The following RPS19 variants were observed in gnomAD, a reference collection of about 807,000 sequenced individuals.
RPS19 encodes small ribosomal subunit protein eS19.
In RPS19, 1 loss-of-function variant was observed where a neutral mutation model predicts 20.3. The ratio of observed to expected loss-of-function variants is 0.05; its 90% CI spans 0.02 to 0.23. The LOEUF is 0.23. Among genes scored for constraint, RPS19 ranks in the 10% least tolerant of loss-of-function variants. The probability of loss-of-function intolerance (pLI) is 1.00; values close to 1 mark genes in which losing one functional copy is unlikely to be tolerated. For missense variants in RPS19, 111 were observed against 192.7 expected, an observed-to-expected ratio of 0.58 and a Z score of 2.51; for synonymous variants, 87 against 74.8, an observed-to-expected ratio of 1.16 and a Z score of -0.84.
intron 1 of RPS19, 78 bp from the exon 2 acceptor site, chr19:41,860,697 A>C: frequency 1.9e-6 from 2 of 1,065,962 alleles, no homozygotes; most frequent in South Asian, 2.5e-5. Context: ...GCTGGAGCGA[A>C]AGGATTGGGG....
intron 5 of RPS19, among the ~76,000 whole-genome samples, chr19:41,870,972 C>T (rs952277231): frequency 6.9e-6 from 1 of 144,754 alleles, no homozygotes; most frequent in African/African-American, 2.5e-5. Flanking sequence ...AAGCAATTCT[C>T]CTATCTCAGC....
chr19:41,860,627 C>A, intron 1 of RPS19, 148 bp from the exon 2 acceptor site: 2 of 768,532 alleles, frequency 2.6e-6, no homozygotes, highest in Non-Finnish European at 4.7e-6. Context: ...CCCGCAGGAG[C>A]CGGAGCCCGG....
At chr19:41,862,898 C>A (rs962444575) in intron 3 of RPS19, among the ~76,000 whole-genome samples, 2 of 152,136 alleles carry the variant, frequency 1.3e-5, no homozygotes, top group Non-Finnish European at 2.9e-5. Flanking sequence ...TGTGGTAGAC[C>A]AGAGGCCTGT....
rs185124242 is a variant in RPS19 at position 41,862,217 on chromosome 19, T to C, written c.172+1005T>C. Among the ~76,000 whole-genome samples the C allele has an allele frequency of 7.9e-4, 120 of 152,302 alleles. 1 individual carries two copies. Among genetic ancestry groups the C allele is most frequent in the Admixed American group, 7.8e-3 (119 of 15,282 alleles). ...GTACAGGTTGCTTGGCCCTTCAGAA[T>C]ATGAAGCATTTTGTAGATTTGTGGT... On this transcript the variant is annotated intron_variant, in intron 3 of 5. Transcript: ENST00000598742.
chr19:41,863,926 T>TC (rs1206801753), intron 3 of RPS19: 1 of 146,032 alleles, frequency 6.8e-6, no homozygotes, highest in African/African-American at 2.6e-5. Context: ...AACTGCAACC[T>TC]CTGCCTGCCG....
At chr19:41,871,211 CAGTG>C in intron 5 of RPS19, 136 bp from the exon 6 acceptor site, 1 of 786,832 alleles carries the variant, frequency 1.3e-6, no homozygotes, top group Non-Finnish European at 2.3e-6. Context: ...GGAATACCCA[CAGTG>C]AGAATTAGAT....
Position 41,872,272 on chromosome 19 carries a change from C to T in RPS19, c.*895C>T, listed in dbSNP as rs934776184. The T allele has an allele frequency of 6.6e-5, 10 of 152,282 alleles. No homozygotes were observed. Among genetic ancestry groups the T allele is most frequent in the Non-Finnish European group, 1.5e-4 (10 of 68,062 alleles). 9.4% of individuals were successfully genotyped at this position (152,282 alleles called of 1,614,324 possible). On this transcript the variant is annotated 3_prime_UTR_variant, in exon 6 of 6. Coordinates refer to ENST00000598742, the MANE Select transcript of RPS19 (RefSeq NM_001022.4). ...CAAGCCAGGAAAGAAACTTAGGGCC[C>T]GCTGTGACCAGATGTCCCTCCCAGT...
intron 4 of RPS19, 35 bp downstream of exon 4, chr19:41,869,249 A>G (rs2074120878): frequency 6.3e-7 from 1 of 1,575,334 alleles, no homozygotes; most frequent in African/African-American, 1.4e-5. Context: ...TTGATGGAGT[A>G]GCCTTGAGGC....
At chr19:41,867,777 C>T (rs1232231468) in intron 3 of RPS19, among the ~76,000 whole-genome samples, 1 of 152,184 alleles carries the variant, frequency 6.6e-6, no homozygotes, top group African/African-American at 2.4e-5. Flanking sequence ...AGCACCCCAG[C>T]CTGGGTGACA....
chr19:41,866,347 A>G (rs1465788929), intron 3 of RPS19, among the ~76,000 whole-genome samples: 2 of 152,240 alleles, frequency 1.3e-5, no homozygotes, highest in Admixed American at 1.3e-4. Flanking sequence ...CTCCACCCAG[A>G]GCCCCAGGGC....
At position 41,871,713 on chromosome 19, in the gene RPS19, A is replaced by G. The variant is rs1568797832; in HGVS notation, c.*336A>G. 2.9e-6 allele frequency: 1 copy of G among 348,998 alleles called. No homozygotes were observed. The highest frequency in any genetic ancestry group is 6.7e-5 in the East Asian group (1 of 15,004). 21.6% of individuals were successfully genotyped at this position (348,998 alleles called of 1,614,324 possible). The stretch of plus-strand genomic sequence containing the variant: ...CCAGTCGGGCCTTCCCAGGTCAAAC[A>G]GTTCCCATCTGGGTTTGGAGGAAGG... On this transcript the variant is annotated 3_prime_UTR_variant, in exon 6 of 6. Transcript: ENST00000598742.
chr19:41,870,448 A>G (rs1481939146), intron 5 of RPS19, among the ~76,000 whole-genome samples: 1 of 152,106 alleles, frequency 6.6e-6, no homozygotes, highest in African/African-American at 2.4e-5. Flanking sequence ...CCAGGTCTCC[A>G]TTCAGATCCT....
intron 3 of RPS19, among the ~76,000 whole-genome samples, chr19:41,865,076 C>G (rs1161622060): frequency 6.6e-6 from 1 of 152,152 alleles, no homozygotes; most frequent in Admixed American, 6.6e-5. Context: ...GGTTTTTATA[C>G]AGCCTTAAGA....
chr19:41,860,730 C>G (rs7255488), intron 1 of RPS19, 45 bp from the exon 2 acceptor site: 7 of 1,414,852 alleles, frequency 4.9e-6, no homozygotes, highest in African/African-American at 1.4e-5. Context: ...TCTTGGCAGT[C>G]GTCTCTGCCA....
intron 5 of RPS19, among the ~76,000 whole-genome samples, chr19:41,870,325 A>C (rs1295692496): frequency 1.3e-5 from 2 of 150,228 alleles, no homozygotes; most frequent in Non-Finnish European, 3.0e-5. Flanking sequence ...CCCGTAGATG[A>C]CTCCCCCTCC....
At chr19:41,861,581 G>T (rs2074032766) in intron 3 of RPS19, 1 of 355,514 alleles carries the variant, frequency 2.8e-6, no homozygotes, top group Non-Finnish European at 5.4e-6. Context: ...TAACCTGCCT[G>T]TGCACTCTCT....
chr19:41,862,926 G>T lies in RPS19; in HGVS notation c.172+1714G>T, dbSNP rs188013458. On this transcript the variant is annotated intron_variant, in intron 3 of 5. Coordinates refer to ENST00000598742, the MANE Select transcript of RPS19 (RefSeq NM_001022.4). ...AGGCCTGTTGTGTATATTTTTGTTG[G>T]GTTATAGCCACCCCTGTGTATCTAC... Among the ~76,000 whole-genome samples the T allele has an allele frequency of 2.0e-5, 3 of 152,254 alleles. No homozygotes were observed. The East Asian group carries it at 5.8e-4, about 29-fold the overall frequency.
chr19:41,861,279 C>A, intron 3 of RPS19, 67 bp downstream of exon 3: 1 of 1,146,746 alleles, frequency 8.7e-7, no homozygotes. Context: ...ACCATACTTC[C>A]CTGTCTCCTC....
chr19:41,871,283 T>C, intron 5 of RPS19, 68 bp from the exon 6 acceptor site: 1 of 1,407,584 alleles, frequency 7.1e-7, no homozygotes, highest in Non-Finnish European at 1.0e-6. Context: ...GGTAGTTAGG[T>C]AGCTGTTACA....
Sources: gnomAD v4.1 joint callset for allele counts (sites outside exome capture counted in the v4.1 genomes callset) on GRCh38, gnomAD v4.1.1 for gene constraint, MANE v1.5 for transcripts, NCBI Gene and HGNC (gene_info 2026-07-23, HGNC 2026-07-21) for gene names.